Variants in ANKRD26 observed in about 807,000 individuals in gnomAD.
The protein encoded by ANKRD26 is ankyrin repeat domain 26, also known as ankyrin repeat domain-containing protein 26.
A neutral mutation model predicts 208.7 loss-of-function variants in ANKRD26; 141 were observed. That is an observed-to-expected ratio of 0.68 (90% confidence interval 0.59 to 0.78). The LOEUF (loss-of-function observed/expected upper bound fraction) is 0.78, where lower values mean the gene tolerates loss of function less well. Ranked by LOEUF, ANKRD26 falls within the 30% of genes least tolerant of loss-of-function variation. ANKRD26 has a pLI of 0.00. For missense variants in ANKRD26, 1,889 were observed against 1,938.7 expected (o/e 0.97, Z 0.48); for synonymous variants, 636 against 660.4 (o/e 0.96, Z 0.57).
At chr10:26,983,627 A>AAGACAGAT (rs2052341185) in intron 3 of ANKRD26, among the ~76,000 whole-genome samples, 1 of 152,154 alleles carries the variant, frequency 6.6e-6, no homozygotes, top group East Asian at 1.9e-4. Flanking sequence ...ATGAAAGGGT[A>AAGACAGAT]AGACAGATCA....
chr10:27,087,419 A>G (rs768568867), intron 4 of ANKRD26, among the ~76,000 whole-genome samples: 1 of 152,232 alleles, frequency 6.6e-6, no homozygotes, highest in Non-Finnish European at 1.5e-5. Flanking sequence ...TGGAATCCCA[A>G]ATAAAACCCA....
At chr10:27,091,094 A>AAAT (rs35067345) in intron 4 of ANKRD26, among the ~76,000 whole-genome samples, 12,296 of 151,378 alleles carry the variant, frequency 0.081, 686 homozygotes, top group East Asian at 0.28. Flanking sequence ...ACCCTGTCTC[A>AAAT]AATAATAATA....
At chr10:27,098,509 T>C (rs926360639) in intron 1 of ANKRD26, among the ~76,000 whole-genome samples, 5 of 152,120 alleles carry the variant, frequency 3.3e-5, no homozygotes, top group African/African-American at 1.2e-4. Flanking sequence ...AAGAAAAAAG[T>C]TTGACTTATT....
intron 32 of ANKRD26, among the ~76,000 whole-genome samples, chr10:27,009,082 G>A (rs1020461508): frequency 4.6e-5 from 7 of 152,016 alleles, no homozygotes; most frequent in Admixed American, 1.3e-4. Context: ...CTCGTGATCC[G>A]CCCACCTGGG....
At chr10:26,995,002 T>C (rs753461276) in intron 5 of ANKRD26, 1 of 468,456 alleles carries the variant, frequency 2.1e-6, no homozygotes, top group Non-Finnish European at 4.4e-6. Context: ...TGCTCTAACA[T>C]TTCCATGCTC....
intron 6 of ANKRD26, among the ~76,000 whole-genome samples, chr10:27,082,594 C>G (rs1299825185): frequency 6.6e-6 from 1 of 152,166 alleles, no homozygotes; most frequent in Non-Finnish European, 1.5e-5. Context: ...CATGGGTCAG[C>G]TGCTTGCTCA....
chr10:26,986,766 A>G (rs1273851104), intron 3 of ANKRD26, among the ~76,000 whole-genome samples: 2 of 152,282 alleles, frequency 1.3e-5, no homozygotes, highest in Non-Finnish European at 2.9e-5. Context: ...TGATCATTAA[A>G]AAGTCAGGAA....
intron 23 of ANKRD26, among the ~76,000 whole-genome samples, chr10:27,036,449 C>T (rs1271912382): frequency 6.6e-6 from 1 of 151,736 alleles, no homozygotes; most frequent in Non-Finnish European, 1.5e-5. Context: ...TATTTAAATA[C>T]AAAAGAAGCC....
chr10:26,959,984 C>A, the ANKRD26 span, among the ~76,000 whole-genome samples: 1 of 152,042 alleles, frequency 6.6e-6, no homozygotes, highest in Non-Finnish European at 1.5e-5. Flanking sequence ...CATAGTGAGA[C>A]CTCGTCTCTA....
intron 9 of ANKRD26, among the ~76,000 whole-genome samples, chr10:27,076,416 C>A (rs2055700711): frequency 6.6e-6 from 1 of 152,030 alleles, no homozygotes; most frequent in South Asian, 2.1e-4. Flanking sequence ...GCACCCACCA[C>A]CATGCCTGGC....
Position 27,061,195 on chromosome 10 carries a change from T to C in ANKRD26, c.1411A>G (p.Met471Val), listed in dbSNP as rs760964693. ...SCMSGSRNFK[M>V]AKLEDTRNVG... ...TTTCTTGTATCCTCTAGTTTAGCCATCTTAAAGTTTCTTGATCCACTCATG... is the reference window on the plus strand; with the variant it reads ...TTTCTTGTATCCTCTAGTTTAGCCACCTTAAAGTTTCTTGATCCACTCATG... The change falls in exon 13 of 34, where the codon ATG becomes GTG. Residue 471 changes from methionine (M) to valine (V), a missense_variant. By Grantham distance (21) the Met-to-Val change is conservative (BLOSUM62 1). Coordinates refer to ENST00000376087, the MANE Select transcript of ANKRD26 (RefSeq NM_014915.3). 3.7e-6 allele frequency: 6 copies of C among 1,612,546 alleles called. No homozygotes were observed. In the South Asian group the frequency reaches 6.6e-5, roughly 18 times the overall value.
exon 6 of ANKRD26, among the ~76,000 whole-genome samples, chr10:26,973,932 C>T (rs889831543): frequency 6.6e-6 from 1 of 152,058 alleles, no homozygotes; most frequent in Non-Finnish European, 1.5e-5. Context: ...GCTGGAATTA[C>T]AGGCGTGAGC....
intron 16 of ANKRD26, among the ~76,000 whole-genome samples, chr10:27,050,179 C>T (rs984026055): frequency 8.7e-6 from 1 of 115,446 alleles, no homozygotes; most frequent in Non-Finnish European, 1.6e-5. Flanking sequence ...AAGATCATGC[C>T]ATTGCACTGC....
chr10:26,951,013 C>CTTTTTGTTTT, the ANKRD26 span, among the ~76,000 whole-genome samples: 1 of 100,974 alleles, frequency 9.9e-6, no homozygotes. Context: ...CTTTTCTTTT[C>CTTTTTGTTTT]TTTTTCTTTT....
chr10:27,021,620 C>G (rs979689069), intron 29 of ANKRD26, among the ~76,000 whole-genome samples: 2 of 152,186 alleles, frequency 1.3e-5, no homozygotes, highest in African/African-American at 4.8e-5. Context: ...GATTTTTTGC[C>G]TACTTTTGAA....
chr10:27,017,473 G>T (rs2053335212), intron 30 of ANKRD26, 29 bp downstream of exon 30: 2 of 1,610,580 alleles, frequency 1.2e-6, no homozygotes, highest in South Asian at 1.1e-5. Context: ...GCAGTGAAAT[G>T]AACAAAGGCA....
exon 5 of ANKRD26, among the ~76,000 whole-genome samples, chr10:26,980,650 A>T (rs1219437822): frequency 6.6e-6 from 1 of 152,184 alleles, no homozygotes; most frequent in Non-Finnish European, 1.5e-5. Context: ...CACTTCTTCC[A>T]GATGAAAGGC....
Position 27,040,188 on chromosome 10 carries a change from G to A in ANKRD26, c.2162-10C>T, listed in dbSNP as rs1179518718. 4 of 1,589,390 alleles carry A rather than the reference G, an allele frequency of 2.5e-6. No individual in the cohort carries two copies. Among genetic ancestry groups the A allele is most frequent in the Admixed American group, 1.7e-5 (1 of 59,664 alleles). ...AATAGGCTAACAGAATCTGTATCAG[G>A]AAGAAAACAAGATAGAAATATATGA... On this transcript the variant is annotated splice_polypyrimidine_tract_variant and intron_variant, in intron 20 of 33. Coordinates refer to ENST00000376087, the MANE Select transcript of ANKRD26 (RefSeq NM_014915.3).
chr10:26,983,744 G>C (rs1043076826), intron 3 of ANKRD26, among the ~76,000 whole-genome samples: 4 of 152,210 alleles, frequency 2.6e-5, no homozygotes, highest in African/African-American at 9.6e-5. Flanking sequence ...GTAAGTGCTA[G>C]TGAGCTGGTC....
Sources: gnomAD v4.1 joint callset for allele counts (sites outside exome capture counted in the v4.1 genomes callset) on GRCh38, gnomAD v4.1.1 for gene constraint, MANE v1.5 for transcripts, NCBI Gene and HGNC (gene_info 2026-07-23, HGNC 2026-07-21) for gene names.